CDKL2: variants seen among roughly 807,000 people sequenced by gnomAD.
The protein encoded by CDKL2 is cyclin-dependent kinase-like 2.
A neutral mutation model predicts 63.9 loss-of-function variants in CDKL2; 64 were observed. The observed-to-expected ratio is 1.00, with a 90% CI of 0.82 to 1.23. CDKL2 has a LOEUF of 1.23. Among genes scored for constraint, CDKL2 ranks in the 50% most tolerant of loss-of-function variants. CDKL2 has a pLI of 0.00. For synonymous variants in CDKL2, 211 were observed against 229.2 expected, an observed-to-expected ratio of 0.92 and a Z score of 0.72; for missense variants, 656 against 668.0, an observed-to-expected ratio of 0.98 and a Z score of 0.20.
At chr4:75,583,791 G>A (rs1355740657) in intron 12 of CDKL2, among the ~76,000 whole-genome samples, 1 of 151,964 alleles carries the variant, frequency 6.6e-6, no homozygotes, top group Non-Finnish European at 1.5e-5. Flanking sequence ...AATTAGTGAT[G>A]TATATTGTAA....
intron 2 of CDKL2, 61 bp downstream of exon 2, chr4:75,625,760 C>A: frequency 8.0e-7 from 1 of 1,245,330 alleles, no homozygotes; most frequent in Non-Finnish European, 1.1e-6. Flanking sequence ...TGTATTTCTT[C>A]TTATTGCCAA....
intron 1 of CDKL2, among the ~76,000 whole-genome samples, chr4:75,627,739 T>TTC (rs1382586469): frequency 2.1e-5 from 3 of 140,806 alleles, no homozygotes; most frequent in African/African-American, 2.6e-5. Flanking sequence ...TTCTTTTTTT[T>TTC]TTTTTTTTTT....
intron 2 of CDKL2, among the ~76,000 whole-genome samples, chr4:75,615,992 C>A (rs1341693656): frequency 6.6e-6 from 1 of 151,760 alleles, no homozygotes; most frequent in Non-Finnish European, 1.5e-5. Flanking sequence ...AGAGCAAGAC[C>A]TTATCTTGAA....
chr4:75,629,475 G>C (rs1730578661), intron 1 of CDKL2, among the ~76,000 whole-genome samples: 1 of 152,156 alleles, frequency 6.6e-6, no homozygotes, highest in African/African-American at 2.4e-5. Flanking sequence ...CCTGTTTCCT[G>C]AAACAGTTAC....
intron 3 of CDKL2, among the ~76,000 whole-genome samples, 173 bp downstream of exon 3, chr4:75,614,079 CAAA>C (rs998767174): frequency 6.6e-6 from 1 of 152,028 alleles, no homozygotes; most frequent in Non-Finnish European, 1.5e-5. Context: ...AACAAACAAA[CAAA>C]AAACTCAGAA....
intron 1 of CDKL2, among the ~76,000 whole-genome samples, chr4:75,628,315 C>A (rs1427600225): frequency 1.3e-5 from 2 of 152,160 alleles, no homozygotes; most frequent in East Asian, 3.9e-4. Context: ...CGGGGTTTCA[C>A]CGTGTTAGCC....
chr4:75,617,977 T>C (rs1275833788), intron 2 of CDKL2, among the ~76,000 whole-genome samples: 2 of 151,564 alleles, frequency 1.3e-5, no homozygotes, highest in Non-Finnish European at 2.9e-5. Context: ...GGCAGGTGCC[T>C]GTAGTCCCAG....
At chr4:75,614,907 T>C (rs1729857228) in intron 2 of CDKL2, among the ~76,000 whole-genome samples, 1 of 148,738 alleles carries the variant, frequency 6.7e-6, no homozygotes, top group Non-Finnish European at 1.5e-5. Flanking sequence ...TGGAAAACTA[T>C]GTATACATAT....
intron 4 of CDKL2, among the ~76,000 whole-genome samples, chr4:75,606,229 TC>T (rs68011212): frequency 0.29 from 42,905 of 149,510 alleles, 7,232 homozygotes; most frequent in East Asian, 0.76. Flanking sequence ...TTTTTTTTTT[TC>T]TTGAGACAGA....
Position 75,596,969 on chromosome 4 carries a change from T to G in CDKL2, c.1288A>C (p.Met430Leu). 6.2e-7 allele frequency: 1 copy of G among 1,614,182 alleles called. No individual in the cohort carries two copies. Among genetic ancestry groups the G allele is most frequent in the Non-Finnish European group, 8.5e-7 (1 of 1,179,984 alleles). ...SAVAPSINSG[M>L]GTETIPIQGY... Reference sequence around the variant, plus strand: ...TGAATTGGTATAGTCTCAGTCCCCATTCCAGAATTAATGCTGGGAGCAACT... The same window carrying G: ...TGAATTGGTATAGTCTCAGTCCCCAGTCCAGAATTAATGCTGGGAGCAACT... The change falls in exon 9 of 14, where the codon ATG (methionine) becomes CTG (leucine). Residue 430 changes from methionine (M) to leucine (L), a missense_variant. Physicochemically the swap from Met to Leu is conservative, Grantham distance 15. Transcript: ENST00000307465.
At chr4:75,579,444 C>T (rs1728162054) in intron 13 of CDKL2, among the ~76,000 whole-genome samples, 1 of 152,106 alleles carries the variant, frequency 6.6e-6, no homozygotes, top group East Asian at 1.9e-4. Context: ...GAGGCCGAGG[C>T]GGGCAGATCA....
chr4:75,611,323 G>T (rs1729681507), intron 3 of CDKL2, among the ~76,000 whole-genome samples: 1 of 152,176 alleles, frequency 6.6e-6, no homozygotes, highest in East Asian at 1.9e-4. Flanking sequence ...GCCAGGCATG[G>T]TGGTGCACAC....
At chr4:75,619,576 A>AT (rs1355593500) in intron 2 of CDKL2, among the ~76,000 whole-genome samples, 8 of 103,440 alleles carry the variant, frequency 7.7e-5, no homozygotes, top group African/African-American at 1.7e-4. Context: ...TCACAGCTGT[A>AT]TAAAAAAAAA....
At chr4:75,605,675 T>C in intron 4 of CDKL2, 41 bp from the exon 5 acceptor site, 1 of 1,354,394 alleles carries the variant, frequency 7.4e-7, no homozygotes, top group South Asian at 1.2e-5. Flanking sequence ...GGCATCCTAA[T>C]ATGCTCCAAA....
intron 7 of CDKL2, 81 bp from the exon 8 acceptor site, chr4:75,598,293 TA>T (rs1239118755): frequency 1.1e-5 from 9 of 828,390 alleles, no homozygotes; most frequent in Non-Finnish European, 1.6e-5. Flanking sequence ...ATTTATTTTT[TA>T]AAAATTGAAT....
chr4:75,582,705 G>A (rs1728314221), intron 12 of CDKL2, among the ~76,000 whole-genome samples: 1 of 151,914 alleles, frequency 6.6e-6, no homozygotes, highest in South Asian at 2.1e-4. Flanking sequence ...CCCCAAACAG[G>A]ACAGACTCAA....
chr4:75,617,268 G>T (rs969712476), intron 2 of CDKL2, among the ~76,000 whole-genome samples: 3 of 151,684 alleles, frequency 2.0e-5, no homozygotes, highest in Non-Finnish European at 4.4e-5. Context: ...TAAAAGAAGC[G>T]TTGCCAAGAA....
At chr4:75,617,305 A>G (rs1729971216) in intron 2 of CDKL2, among the ~76,000 whole-genome samples, 1 of 152,214 alleles carries the variant, frequency 6.6e-6, no homozygotes, top group Non-Finnish European at 1.5e-5. Flanking sequence ...AAAGAGTATG[A>G]TATTATACAT....
Position 75,579,678 on chromosome 4 carries a change from A to T in CDKL2, c.*24-500T>A, listed in dbSNP as rs1201255754. Among the ~76,000 whole-genome samples the T allele has an allele frequency of 4.6e-5, 7 of 152,192 alleles. 2 individuals carry two copies. In the South Asian group the frequency reaches 1.4e-3, roughly 32 times the overall value. On this transcript the variant is annotated intron_variant, in intron 13 of 13. Coordinates refer to ENST00000307465, the MANE Select transcript of CDKL2 (RefSeq NM_001330724.2). Reference sequence around the variant, plus strand: ...GCAACAAGAGCGAAACTCCGTCTCAAAAAAAAGAAAAACTATCATGTGTAA... The same window carrying T: ...GCAACAAGAGCGAAACTCCGTCTCATAAAAAAGAAAAACTATCATGTGTAA...
Sources: gnomAD v4.1 joint callset for allele counts (sites outside exome capture counted in the v4.1 genomes callset) on GRCh38, gnomAD v4.1.1 for gene constraint, MANE v1.5 for transcripts, NCBI Gene and HGNC (gene_info 2026-07-23, HGNC 2026-07-21) for gene names.